The following KMT2E variants were observed in gnomAD, a reference collection of about 807,000 sequenced individuals.
The protein encoded by KMT2E is histone reader KMT2E.
KMT2E carries 30 observed loss-of-function variants against 184.6 expected under a neutral mutation model. The ratio of observed to expected loss-of-function variants is 0.16; its 90% CI spans 0.12 to 0.22. The LOEUF (loss-of-function observed/expected upper bound fraction) is 0.22. Ranked by LOEUF, KMT2E falls within the 10% of genes least tolerant of loss-of-function variation. The pLI is 1.00. For missense variants in KMT2E, 2,023 were observed against 2,237.4 expected (o/e 0.90, Z 1.93); for synonymous variants, 815 against 776.5 (o/e 1.05, Z -0.82).
chr7:105,067,479 C>A (rs938958028), intron 6 of KMT2E, among the ~76,000 whole-genome samples: 1 of 152,036 alleles, frequency 6.6e-6, no homozygotes, highest in African/African-American at 2.4e-5. Flanking sequence ...ACATAATAAA[C>A]TCACATTTCC....
intron 15 of KMT2E, among the ~76,000 whole-genome samples, chr7:105,092,506 A>C (rs1056627745): frequency 6.6e-6 from 1 of 152,266 alleles, no homozygotes; most frequent in Non-Finnish European, 1.5e-5. Flanking sequence ...AAAATTCTGA[A>C]AACTATAAAG....
At chr7:105,059,978 G>GTTGTTTTTTTTTTTTT (rs1796734822) in intron 3 of KMT2E, among the ~76,000 whole-genome samples, 2 of 51,764 alleles carry the variant, frequency 3.9e-5, no homozygotes, top group African/African-American at 1.2e-4. Flanking sequence ...TCTTGTTGTT[G>GTTGTTTTTTTTTTTTT]TTTTTTTTTT....
rs749595099 is a variant in KMT2E, at chr7:105,066,819, A to G, written c.497+12A>G. 9.0e-6 allele frequency: 14 copies of G among 1,559,496 alleles called. No individual in the cohort carries two copies. Among genetic ancestry groups the G allele is most frequent in the East Asian group, 4.5e-5 (2 of 44,594 alleles). The stretch of plus-strand genomic sequence containing the variant: ...CGTTGTCAGCCTAGGTAAGTTGCAC[A>G]TATCTGATAACATTGCCAGTAATTT... On this transcript the variant is annotated intron_variant, in intron 6 of 26. Coordinates refer to ENST00000311117, the MANE Select transcript of KMT2E (RefSeq NM_182931.3).
intron 3 of KMT2E, among the ~76,000 whole-genome samples, chr7:105,053,752 G>A (rs1796442618): frequency 6.6e-6 from 1 of 152,172 alleles, no homozygotes; most frequent in East Asian, 1.9e-4. Flanking sequence ...AGTGGCTCAT[G>A]ACTGTAATCT....
intron 12 of KMT2E, 139 bp downstream of exon 12, chr7:105,079,102 T>C (rs1338548774): frequency 3.9e-6 from 2 of 511,590 alleles, no homozygotes; most frequent in African/African-American, 3.9e-5. Flanking sequence ...GCCTGTTTTT[T>C]TGTGAAAATT....
At chr7:105,017,087 A>ATTGTGCATTTATT (rs1794746589) in intron 1 of KMT2E, among the ~76,000 whole-genome samples, 2 of 152,184 alleles carry the variant, frequency 1.3e-5, no homozygotes, top group Non-Finnish European at 2.9e-5. Context: ...CTGTGTAAAG[A>ATTGTGCATTTATT]TTGTGCATTT....
chr7:105,059,975 GTTGTTTTTTTTTTTTT>G (rs1287914911), intron 3 of KMT2E, among the ~76,000 whole-genome samples: 1,964 of 45,532 alleles, frequency 0.043, 17 homozygotes, highest in Middle Eastern at 0.12. Context: ...TTTTCTTGTT[GTTGTTTTTTTTTTTTT>G]TTTTTTTTTT....
At chr7:105,096,093 A>G (rs896732205) in intron 15 of KMT2E, among the ~76,000 whole-genome samples, 3 of 152,032 alleles carry the variant, frequency 2.0e-5, no homozygotes, top group Admixed American at 2.0e-4. Context: ...CATCTCTACT[A>G]AAAATACAAA....
At chr7:105,107,337 A>C (rs1554400791) in intron 21 of KMT2E, 25 bp from the exon 22 acceptor site, 2 of 1,269,670 alleles carry the variant, frequency 1.6e-6, no homozygotes, top group Non-Finnish European at 2.1e-6. Flanking sequence ...TATTTGTGTA[A>C]TTTTTTTTTT....
intron 15 of KMT2E, among the ~76,000 whole-genome samples, chr7:105,099,091 TGA>T: frequency 6.6e-6 from 1 of 152,354 alleles, no homozygotes; most frequent in South Asian, 2.1e-4. Flanking sequence ...AAAAGCTGAA[TGA>T]TGTATGACCT....
intron 3 of KMT2E, among the ~76,000 whole-genome samples, chr7:105,045,967 T>G (rs1410862086): frequency 6.6e-6 from 1 of 152,178 alleles, no homozygotes; most frequent in Non-Finnish European, 1.5e-5. Flanking sequence ...GATCTGTACT[T>G]CCTTACTTTT....
In KMT2E at chr7:105,026,873, G is replaced by A. The variant is rs529365109; in HGVS notation, c.-188-11253G>A. 4.6e-3 allele frequency among the ~76,000 whole-genome samples: 699 copies of A among 152,198 alleles called. 5 individuals carry two copies. Among genetic ancestry groups the A allele is most frequent in the African/African-American group, 0.016 (668 of 41,518 alleles). ...GACATAGCTTAAAATTTCACTTACA[G>A]AAGTTTAAAATTGGTACCTCTTACC... On this transcript the variant is annotated intron_variant, in intron 1 of 26. Transcript: ENST00000311117.
Position 105,102,094 on chromosome 7 carries a change from C to T in KMT2E, c.2096C>T (p.Thr699Ile), listed in dbSNP as rs776425763. Residue 699 changes from threonine to isoleucine, a missense_variant, in exon 17 of 27, where the codon ACA becomes ATA. Thr to Ile is a moderately conservative substitution (Grantham distance 89). Transcript: ENST00000311117. Reference protein sequence around the residue: ...QQNDIENTVLTIEPETETALA... With the variant: ...QQNDIENTVLIIEPETETALA... ...AATGATATTGAAAATACTGTACTTA[C>T]AATAGAACCAGAAACTGAAACTGCA... The T allele has an allele frequency of 6.2e-7, 1 of 1,613,234 alleles. No individual in the cohort carries two copies. Among genetic ancestry groups the T allele is most frequent in the Admixed American group, 1.7e-5 (1 of 59,930 alleles).
chr7:105,111,393 G>A (rs1333390289), intron 26 of KMT2E, among the ~76,000 whole-genome samples: 1 of 151,808 alleles, frequency 6.6e-6, no homozygotes, highest in Admixed American at 6.6e-5. Context: ...AAATGAAAAG[G>A]TATTAAAAAT....
At chr7:105,068,954 T>G (rs1797168235) in intron 6 of KMT2E, among the ~76,000 whole-genome samples, 1 of 152,206 alleles carries the variant, frequency 6.6e-6, no homozygotes, top group African/African-American at 2.4e-5. Flanking sequence ...GTTATTACCC[T>G]TATTGATGCT....
At chr7:105,105,291 C>T (rs1439685325) in intron 17 of KMT2E, 148 bp from the exon 18 acceptor site, 1 of 507,960 alleles carries the variant, frequency 2.0e-6, no homozygotes, top group African/African-American at 2.0e-5. Flanking sequence ...TGTAAAAGGA[C>T]ATACTGATAT....
At chr7:105,067,065 T>TAA (rs1234050388) in intron 6 of KMT2E, among the ~76,000 whole-genome samples, 2 of 62,390 alleles carry the variant, frequency 3.2e-5, no homozygotes, top group Non-Finnish European at 6.2e-5. Flanking sequence ...TCTTTTTTTT[T>TAA]TAAAAAAAAA....
chr7:105,105,269 A>G, intron 17 of KMT2E, 170 bp from the exon 18 acceptor site: 4 of 457,920 alleles, frequency 8.7e-6, no homozygotes, highest in South Asian at 5.8e-5. Context: ...ATAACAGTAG[A>G]TAACTAAGAA....
chr7:105,029,407 ATTTGG>A (rs1286722617), intron 1 of KMT2E, among the ~76,000 whole-genome samples: 1 of 152,200 alleles, frequency 6.6e-6, no homozygotes, highest in African/African-American at 2.4e-5. Context: ...ATTTGATTTG[ATTTGG>A]TTTTAAAATA....
Sources: allele counts gnomAD v4.1 joint callset (sites outside exome capture counted in the v4.1 genomes callset), GRCh38; gene constraint gnomAD v4.1.1; transcripts MANE v1.5; gene names NCBI Gene and HGNC (gene_info 2026-07-23, HGNC 2026-07-21).